The following KCNJ6 variants were observed in gnomAD, a reference collection of about 807,000 sequenced individuals.
The protein encoded by KCNJ6 is potassium inwardly rectifying channel subfamily J member 6.
In KCNJ6, 9 loss-of-function variants were observed where a neutral mutation model predicts 34.2. The ratio of observed to expected loss-of-function variants is 0.26; its 90% confidence interval spans 0.16 to 0.46. The LOEUF (loss-of-function observed/expected upper bound fraction) is 0.46, where lower values mean the gene tolerates loss of function less well. KCNJ6 is among the 20% of genes least tolerant of loss of function. KCNJ6 has a pLI of 1.00. For synonymous variants in KCNJ6, 196 were observed against 207.1 expected (o/e 0.95, Z 0.46); for missense variants, 236 against 531.3 (o/e 0.44, Z 5.46).
At chr21:37,665,118 G>A (rs1569441199) in intron 3 of KCNJ6, among the ~76,000 whole-genome samples, 1 of 152,040 alleles carries the variant, frequency 6.6e-6, no homozygotes, top group Non-Finnish European at 1.5e-5. Flanking sequence ...TTAAGCCTTG[G>A]TTTAGTCATT....
intron 3 of KCNJ6, among the ~76,000 whole-genome samples, chr21:37,684,536 T>C (rs1420630539): frequency 6.6e-6 from 1 of 152,216 alleles, no homozygotes; most frequent in Middle Eastern, 3.2e-3. Context: ...TTGTGAAGTG[T>C]TATGTTAGCA....
intron 3 of KCNJ6, among the ~76,000 whole-genome samples, chr21:37,701,518 G>C (rs192354254): frequency 1.3e-5 from 2 of 152,248 alleles, no homozygotes; most frequent in African/African-American, 4.8e-5. Context: ...CATTCTCTCT[G>C]TACCTATGTA....
At chr21:37,640,622 G>C (rs192927459) in intron 3 of KCNJ6, among the ~76,000 whole-genome samples, 43 of 152,344 alleles carry the variant, frequency 2.8e-4, no homozygotes, top group Admixed American at 2.2e-3. Context: ...CCTCCACAGG[G>C]AAAGATCTGG....
intron 2 of KCNJ6, among the ~76,000 whole-genome samples, chr21:37,774,125 G>C (rs1405220112): frequency 1.3e-5 from 2 of 152,038 alleles, no homozygotes. Context: ...CTTACTGATA[G>C]CATAACAGGT....
chr21:37,645,132 T>C (rs2054398467), intron 3 of KCNJ6, among the ~76,000 whole-genome samples: 1 of 151,868 alleles, frequency 6.6e-6, no homozygotes, highest in Non-Finnish European at 1.5e-5. Context: ...CCCAGCAATT[T>C]GGGAGGCTGA....
chr21:37,874,242 C>T (rs1039507378), intron 1 of KCNJ6, among the ~76,000 whole-genome samples: 1 of 152,212 alleles, frequency 6.6e-6, no homozygotes, highest in African/African-American at 2.4e-5. Context: ...CATCCCTCCC[C>T]CTTGAAACGT....
In KCNJ6 at chr21:37,727,269, T is replaced by C. The variant is rs192970913; in HGVS notation, c.26-12138A>G. Among the ~76,000 whole-genome samples the C allele has an allele frequency of 6.6e-4, 101 of 152,320 alleles. 2 individuals carry two copies. The highest frequency in any genetic ancestry group is 2.4e-3 in the African/African-American group (98 of 41,572). On this transcript the variant is annotated intron_variant, in intron 2 of 3. Transcript: ENST00000609713. ...GCTGCCCAGTTCATGGTATTTGTTA[T>C]GGCAACCCCTGGAAACTAATAGTAG... is the stretch of plus-strand genomic sequence containing the variant.
chr21:37,819,013 T>C (rs2055361409), intron 2 of KCNJ6, among the ~76,000 whole-genome samples: 2 of 152,232 alleles, frequency 1.3e-5, no homozygotes, highest in Admixed American at 6.5e-5. Context: ...ACAGGTATAT[T>C]ACTTCACCCC....
intron 1 of KCNJ6, among the ~76,000 whole-genome samples, chr21:37,904,369 A>G (rs1442442579): frequency 3.3e-5 from 5 of 152,266 alleles, no homozygotes; most frequent in African/African-American, 1.2e-4. Flanking sequence ...CACGACAGGA[A>G]TAGAGAAGAC....
Position 37,734,392 on chromosome 21 carries a change from A to C in KCNJ6, c.26-19261T>G, listed in dbSNP as rs1038833343. 4.6e-5 allele frequency among the ~76,000 whole-genome samples: 7 copies of C among 152,150 alleles called. No homozygotes were observed. In the East Asian group the frequency reaches 1.3e-3, roughly 29 times the overall value. The stretch of plus-strand genomic sequence containing the variant: ...GTTGTACAGAGGAGAGCCCAGTCTA[A>C]GGGTTCTATAGCGGAGAGAGCACCA... On this transcript the variant is annotated intron_variant, in intron 2 of 3. Coordinates refer to ENST00000609713, the MANE Select transcript of KCNJ6 (RefSeq NM_002240.5).
intron 3 of KCNJ6, among the ~76,000 whole-genome samples, chr21:37,697,050 A>G (rs1455791033): frequency 2.0e-5 from 3 of 152,244 alleles, no homozygotes; most frequent in Non-Finnish European, 4.4e-5. Context: ...GCCAAGAGGT[A>G]TCTTGACAGG....
intron 2 of KCNJ6, among the ~76,000 whole-genome samples, chr21:37,768,442 C>T (rs2055101624): frequency 6.6e-6 from 1 of 152,018 alleles, no homozygotes; most frequent in Non-Finnish European, 1.5e-5. Flanking sequence ...AATTATCCAA[C>T]TAAAGGAAAA....
chr21:37,745,389 C>G (rs568947913), intron 2 of KCNJ6, among the ~76,000 whole-genome samples: 1 of 152,238 alleles, frequency 6.6e-6, no homozygotes, highest in Admixed American at 6.5e-5. Context: ...TCCCCAAATG[C>G]TGGGATTACA....
Position 37,610,470 on chromosome 21 carries a change from G to C in KCNJ6, c.*14689C>G, listed in dbSNP as rs2054238808. On this transcript the variant is annotated 3_prime_UTR_variant, in exon 4 of 4. Transcript: ENST00000609713. ...AAAAATTAGCCAGGTTTGGTGGTGGGCACCTGTAGTCCCAACTACTTGGGA... is the reference window on the plus strand; with the variant it reads ...AAAAATTAGCCAGGTTTGGTGGTGGCCACCTGTAGTCCCAACTACTTGGGA... The C allele has an allele frequency of 1.3e-5, 2 of 151,898 alleles. No individual in the cohort carries two copies. The highest frequency in any genetic ancestry group is 2.9e-5 in the Non-Finnish European group (2 of 67,996). The allele number at this position is 151,898 out of a possible 1,614,324, so 9.4% of individuals were successfully genotyped here.
At position 37,624,888 on chromosome 21, in the gene KCNJ6, T is replaced by C. The variant is rs1210010922; in HGVS notation, c.*271A>G. 10 of 480,202 alleles carry C rather than the reference T, an allele frequency of 2.1e-5. No individual in the cohort carries two copies. Among genetic ancestry groups the C allele is most frequent in the Non-Finnish European group, 3.7e-5 (10 of 270,606 alleles). 29.7% of individuals were successfully genotyped at this position (480,202 alleles called of 1,614,324 possible). ...GGTAAGTAACTGAAATCTCCAGGAG[T>C]TGGATGTGTAGTATTTTGGGAGGAG... is the stretch of plus-strand genomic sequence containing the variant. On this transcript the variant is annotated 3_prime_UTR_variant, in exon 4 of 4. Transcript: ENST00000609713.
intron 3 of KCNJ6, among the ~76,000 whole-genome samples, chr21:37,655,233 GAGAGAGA>G (rs2054456889): frequency 2.4e-3 from 6 of 2,486 alleles, no homozygotes; most frequent in African/African-American, 6.4e-3. Flanking sequence ...GTGAGAGAGA[GAGAGAGA>G]GAGAGAGAGA....
chr21:37,799,144 C>T (rs1193219481), intron 2 of KCNJ6, among the ~76,000 whole-genome samples: 1 of 152,206 alleles, frequency 6.6e-6, no homozygotes, highest in Admixed American at 6.5e-5. Flanking sequence ...CTTCATGTAA[C>T]TCCCACTTAC....
At chr21:37,702,234 C>CA (rs374421896) in intron 3 of KCNJ6, among the ~76,000 whole-genome samples, 38,722 of 97,884 alleles carry the variant, frequency 0.4, 9,665 homozygotes, top group African/African-American at 0.55. Flanking sequence ...TTTTGTCTCA[C>CA]AAAAAAAAAA....
chr21:37,879,065 A>G (rs1296775065), intron 1 of KCNJ6, among the ~76,000 whole-genome samples: 1 of 152,194 alleles, frequency 6.6e-6, no homozygotes, highest in Non-Finnish European at 1.5e-5. Flanking sequence ...ATAGGAATCT[A>G]TCCTCAACAG....
Sources: gnomAD v4.1 joint callset for allele counts (sites outside exome capture counted in the v4.1 genomes callset) on GRCh38, gnomAD v4.1.1 for gene constraint, MANE v1.5 for transcripts, NCBI Gene and HGNC (gene_info 2026-07-23, HGNC 2026-07-21) for gene names.